Variants in HS6ST2 observed in about 807,000 individuals in gnomAD.
HS6ST2 encodes heparan-sulfate 6-O-sulfotransferase 2.
Under a neutral mutation model 33.0 loss-of-function variants are expected in HS6ST2, and 17 were observed. The ratio of observed to expected loss-of-function variants is 0.52; its 90% CI spans 0.35 to 0.77. The LOEUF is 0.77. Ranked by LOEUF, HS6ST2 falls within the 30% of genes least tolerant of loss-of-function variation. The pLI, the probability that HS6ST2 is intolerant of heterozygous loss-of-function variation, is 0.01. For synonymous variants in HS6ST2, 248 were observed against 237.1 expected (o/e 1.05, Z -0.42); for missense variants, 519 against 551.7 (o/e 0.94, Z 0.59).
chrX:132,893,982 C>T (rs1290190594), intron 2 of HS6ST2, among the ~76,000 whole-genome samples: 3 of 111,031 alleles, frequency 2.7e-5, no homozygotes, highest in African/African-American at 9.8e-5. Context: ...ATGCTTGGGG[C>T]TCCATATAAA....
At chrX:132,870,390 C>T (rs1359941082) in intron 2 of HS6ST2, among the ~76,000 whole-genome samples, 1 of 111,883 alleles carries the variant, frequency 8.9e-6, no homozygotes, top group Non-Finnish European at 1.9e-5. Flanking sequence ...CTACCATTGG[C>T]TTTCTTCACA....
intron 2 of HS6ST2, among the ~76,000 whole-genome samples, chrX:132,812,430 A>C (rs1387254600): frequency 2.9e-5 from 3 of 103,625 alleles, no homozygotes; most frequent in African/African-American, 1.0e-4. Context: ...TAATAATAAT[A>C]ATAATAATAA....
intron 2 of HS6ST2, among the ~76,000 whole-genome samples, chrX:132,743,996 C>T (rs183047301): frequency 9.0e-6 from 1 of 110,686 alleles, no homozygotes; most frequent in East Asian, 2.9e-4. Context: ...GCCATGTTGC[C>T]CAGGTTGATC....
At chrX:132,876,635 AG>A (rs757470942) in intron 2 of HS6ST2, among the ~76,000 whole-genome samples, 6 of 110,730 alleles carry the variant, frequency 5.4e-5, no homozygotes, top group African/African-American at 2.0e-4. Context: ...ACAGTCCTGA[AG>A]GAACACCCAC....
At chrX:132,728,257 A>G (rs2064416636) in intron 2 of HS6ST2, among the ~76,000 whole-genome samples, 1 of 112,219 alleles carries the variant, frequency 8.9e-6, no homozygotes, top group African/African-American at 3.2e-5. Context: ...CCCACCAGCA[A>G]TGGACAAGGG....
At chrX:132,804,471 C>T (rs1431233631) in intron 2 of HS6ST2, among the ~76,000 whole-genome samples, 2 of 111,572 alleles carry the variant, frequency 1.8e-5, no homozygotes, top group African/African-American at 3.3e-5. Flanking sequence ...CATCTCTAGC[C>T]ATACTCACTG....
chrX:132,863,150 A>G (rs1175484389), intron 2 of HS6ST2, among the ~76,000 whole-genome samples: 1 of 112,170 alleles, frequency 8.9e-6, no homozygotes, highest in African/African-American at 3.2e-5. Flanking sequence ...TCCATGGAAC[A>G]TTCACTGTCT....
At chrX:132,832,055 A>T (rs1229958262) in intron 2 of HS6ST2, among the ~76,000 whole-genome samples, 2 of 111,418 alleles carry the variant, frequency 1.8e-5, no homozygotes, top group South Asian at 7.6e-4. Flanking sequence ...AGGCGAGGAG[A>T]GCTAGGGAGT....
At chrX:132,792,341 G>T (rs949193848) in intron 2 of HS6ST2, among the ~76,000 whole-genome samples, 4 of 112,136 alleles carry the variant, frequency 3.6e-5, no homozygotes, top group Admixed American at 9.5e-5. Context: ...GTAGCAGCAA[G>T]GTAGGCTGTG....
At chrX:132,726,682 C>T (rs1392837055) in intron 2 of HS6ST2, among the ~76,000 whole-genome samples, 4 of 112,108 alleles carry the variant, frequency 3.6e-5, no homozygotes, top group Non-Finnish European at 7.5e-5. Flanking sequence ...TTCCTTCCAG[C>T]CCCTACTACC....
At chrX:132,652,530 C>G (rs1297663658) in intron 4 of HS6ST2, among the ~76,000 whole-genome samples, 1 of 111,687 alleles carries the variant, frequency 9.0e-6, no homozygotes, top group Non-Finnish European at 1.9e-5. Context: ...TAAAGGTAAT[C>G]AATGAGTTCC....
At chrX:132,693,096 C>A (rs1381504914) in intron 3 of HS6ST2, among the ~76,000 whole-genome samples, 1 of 112,140 alleles carries the variant, frequency 8.9e-6, no homozygotes, top group Non-Finnish European at 1.9e-5. Flanking sequence ...CTCGTGATAC[C>A]ATTTTCCCTC....
chrX:132,934,495 C>T (rs1172909289), intron 2 of HS6ST2, among the ~76,000 whole-genome samples: 5 of 111,650 alleles, frequency 4.5e-5, no homozygotes, highest in Non-Finnish European at 9.4e-5. Context: ...GAAGAAGAAA[C>T]AGAGCTATCT....
At chrX:132,960,064 C>G (rs781441041), upstream of HS6ST2, among the ~76,000 whole-genome samples, 7 of 112,157 alleles carry the variant, frequency 6.2e-5, no homozygotes, top group South Asian at 2.6e-3. Context: ...TTCTAGCACT[C>G]CAGGCATCTC....
intron 3 of HS6ST2, among the ~76,000 whole-genome samples, chrX:132,699,592 G>A (rs140457354): frequency 0.024 from 2,717 of 111,674 alleles, 58 homozygotes; most frequent in East Asian, 0.14. Context: ...CAACTAATTC[G>A]TTTTTTGAGA....
chrX:132,866,493 T>C (rs1261875790), intron 2 of HS6ST2, among the ~76,000 whole-genome samples: 1 of 85,411 alleles, frequency 1.2e-5, no homozygotes, highest in Non-Finnish European at 2.3e-5. Flanking sequence ...AACTTTAAAG[T>C]AGTTTTTTCC....
rs773052319 is a variant in HS6ST2, at chrX:132,790,784, C to T, written c.948-82290G>A. 3.0e-3 allele frequency among the ~76,000 whole-genome samples: 335 copies of T among 112,054 alleles called. 1 individual carries two copies. The highest frequency in any genetic ancestry group is 0.01 in the African/African-American group (314 of 30,886). On this transcript the variant is annotated intron_variant, in intron 2 of 4. Transcript: ENST00000370833. The stretch of plus-strand genomic sequence containing the variant: ...GGGTACTAAGGCATTAAAAGAGTGA[C>T]TGACAATGGTTAAACTTTAAAATGC...
At position 132,746,805 on chromosome X, in the gene HS6ST2, T is replaced by C. The variant is rs1569486157; in HGVS notation, c.948-38311A>G. On this transcript the variant is annotated intron_variant, in intron 2 of 4. Transcript: ENST00000370833. ...ACCAGGGATTGCACAGGTGGGCCTA[T>C]GGCAGACATACCACCACAGAGCAGG... is the stretch of plus-strand genomic sequence containing the variant. 8.0e-5 allele frequency among the ~76,000 whole-genome samples: 9 copies of C among 112,071 alleles called. No individual in the cohort carries two copies. In the South Asian group the frequency reaches 3.4e-3, roughly 42 times the overall value.
intron 2 of HS6ST2, among the ~76,000 whole-genome samples, chrX:132,711,628 CAACATGCTATTAGTAGTTCACAGAGCCCA>C (rs914814343): frequency 1.8e-5 from 2 of 111,495 alleles, no homozygotes; most frequent in Non-Finnish European, 3.8e-5. Context: ...TTTCTCAGTA[CAACATGCTATTAGTAGTTCACAGAGCCCA>C]GAGCACAGCC....
Sources: gnomAD v4.1 joint callset for allele counts (sites outside exome capture counted in the v4.1 genomes callset) on GRCh38, gnomAD v4.1.1 for gene constraint, MANE v1.5 for transcripts, NCBI Gene and HGNC (gene_info 2026-07-23, HGNC 2026-07-21) for gene names.